The following UHRF2 variants were observed in gnomAD, a reference collection of about 807,000 sequenced individuals.
UHRF2 encodes ubiquitin like with PHD and ring finger domains 2.
Under a neutral mutation model 96.8 loss-of-function variants are expected in UHRF2, and 23 were observed. The observed-to-expected ratio is 0.24, with a 90% CI of 0.17 to 0.34. UHRF2 has a LOEUF of 0.34. Ranked by LOEUF, UHRF2 falls within the 10% of genes least tolerant of loss-of-function variation. The probability of loss-of-function intolerance (pLI) is 1.00; values close to 1 mark genes in which losing one functional copy is unlikely to be tolerated. For missense variants in UHRF2, 685 were observed against 981.5 expected (o/e 0.70, Z 4.04); for synonymous variants, 385 against 332.6 (o/e 1.16, Z -1.72).
intron 12 of UHRF2, chr9:6,499,160 C>T (rs1825129125): frequency 6.6e-6 from 1 of 152,194 alleles, no homozygotes; most frequent in Non-Finnish European, 1.5e-5. Context: ...CATGTGAGCC[C>T]ATCTGCTATG....
At chr9:6,453,519 A>G (rs538912881) in intron 3 of UHRF2, among the ~76,000 whole-genome samples, 1 of 152,384 alleles carries the variant, frequency 6.6e-6, no homozygotes, top group Admixed American at 6.5e-5. Context: ...GAAAAGCATT[A>G]AAAGATCTAG....
At chr9:6,440,651 A>G (rs1291753388) in intron 3 of UHRF2, among the ~76,000 whole-genome samples, 2 of 152,178 alleles carry the variant, frequency 1.3e-5, no homozygotes, top group African/African-American at 4.8e-5. Context: ...TCAACAACTT[A>G]GGGTATCCTG....
chr9:6,445,276 G>A (rs183152424), intron 3 of UHRF2, among the ~76,000 whole-genome samples: 1 of 151,506 alleles, frequency 6.6e-6, no homozygotes, highest in Non-Finnish European at 1.5e-5. Context: ...TGTATTGATT[G>A]ATTGATTGAT....
intron 9 of UHRF2, among the ~76,000 whole-genome samples, chr9:6,487,647 G>A (rs972326738): frequency 1.3e-5 from 2 of 152,136 alleles, no homozygotes; most frequent in African/African-American, 2.4e-5. Context: ...GATTACAGGC[G>A]TGAGCCACCA....
At chr9:6,425,781 A>G (rs1820221761) in intron 2 of UHRF2, among the ~76,000 whole-genome samples, 1 of 152,136 alleles carries the variant, frequency 6.6e-6, no homozygotes, top group Non-Finnish European at 1.5e-5. Context: ...ATTAAAAAAA[A>G]AAAAATCAAG....
intron 3 of UHRF2, among the ~76,000 whole-genome samples, chr9:6,435,127 A>G (rs996803139): frequency 6.6e-6 from 1 of 151,722 alleles, no homozygotes; most frequent in African/African-American, 2.4e-5. Flanking sequence ...CCGAGTAGCT[A>G]GCATTAGAGG....
At position 6,500,619 on chromosome 9, in the gene UHRF2, A is replaced by G. The variant is rs944809735; in HGVS notation, c.2073A>G (p.Gln691=). The G allele has an allele frequency of 8.1e-6, 13 of 1,613,950 alleles. No homozygotes were observed. Among genetic ancestry groups the G allele is most frequent in the East Asian group, 2.2e-5 (1 of 44,870 alleles). Residue 691 remains glutamine (Q), a synonymous_variant, in exon 14 of 16, where the codon CAA becomes CAG. Transcript: ENST00000276893. ...SDSAEAIEAF[Q]LTPQQQHLIR... Reference sequence around the variant, plus strand: ...CAGCAGAAGCAATTGAGGCTTTTCAACTAACTCCTCAACAGCAACATCTCA... The same window carrying G: ...CAGCAGAAGCAATTGAGGCTTTTCAGCTAACTCCTCAACAGCAACATCTCA...
At chr9:6,497,972 G>C in intron 11 of UHRF2, 46 bp from the exon 12 acceptor site, 1 of 1,603,706 alleles carries the variant, frequency 6.2e-7, no homozygotes, top group East Asian at 2.2e-5. Flanking sequence ...TGATGAATAA[G>C]TCTAAATTTT....
In UHRF2 at chr9:6,434,022, C is replaced by G; in HGVS notation, c.493C>G (p.Leu165Val). 6.2e-7 allele frequency: 1 copy of G among 1,614,080 alleles called. No individual in the cohort carries two copies. Among genetic ancestry groups the G allele is most frequent in the Non-Finnish European group, 8.5e-7 (1 of 1,180,010 alleles). The change falls in exon 3 of 16, where the codon CTG (leucine) becomes GTG (valine). Residue 165 changes from leucine to valine, a missense_variant. By Grantham distance (32) the Leu-to-Val change is conservative (BLOSUM62 1). Transcript: ENST00000276893. ...TGGACAGTCACGTGGCAAAACTCCA[C>G]TGAAGAATGGCAGTTCTTGTAAAAG... ...SDGQSRGKTP[L>V]KNGSSCKRTN...
At chr9:6,428,809 A>C (rs980722923) in intron 2 of UHRF2, among the ~76,000 whole-genome samples, 2 of 151,950 alleles carry the variant, frequency 1.3e-5, no homozygotes, top group Non-Finnish European at 2.9e-5. Flanking sequence ...ACTTCCTCCC[A>C]AAGTGCTGGG....
At chr9:6,476,261 A>T (rs1823565352) in intron 5 of UHRF2, among the ~76,000 whole-genome samples, 1 of 152,066 alleles carries the variant, frequency 6.6e-6, no homozygotes, top group Non-Finnish European at 1.5e-5. Flanking sequence ...TATATACCAT[A>T]TTGTCTTTTT....
At chr9:6,474,149 C>T (rs938652754) in intron 4 of UHRF2, among the ~76,000 whole-genome samples, 1 of 152,132 alleles carries the variant, frequency 6.6e-6, no homozygotes, top group African/African-American at 2.4e-5. Flanking sequence ...GTTGATATTC[C>T]TATGTCTTCT....
At chr9:6,420,225 C>A (rs2065074) in intron 1 of UHRF2, among the ~76,000 whole-genome samples, 7 of 151,542 alleles carry the variant, frequency 4.6e-5, no homozygotes, top group Admixed American at 4.6e-4. Flanking sequence ...CCAGCTAATA[C>A]TTTGTATTTC....
intron 3 of UHRF2, among the ~76,000 whole-genome samples, chr9:6,457,730 G>A (rs867288439): frequency 6.6e-6 from 1 of 152,152 alleles, no homozygotes; most frequent in African/African-American, 2.4e-5. Context: ...GTTGAATTTT[G>A]TAGAAGGCCT....
intron 2 of UHRF2, among the ~76,000 whole-genome samples, chr9:6,423,282 C>T (rs966091672): frequency 1.3e-5 from 2 of 152,108 alleles, no homozygotes; most frequent in African/African-American, 4.8e-5. Flanking sequence ...ATAATGTTAC[C>T]TAAGTTGACC....
intron 2 of UHRF2, among the ~76,000 whole-genome samples, chr9:6,421,361 C>G (rs1242325711): frequency 6.6e-6 from 1 of 152,120 alleles, no homozygotes; most frequent in Non-Finnish European, 1.5e-5. Flanking sequence ...AAAGGAAATA[C>G]TTGTGTAATT....
At chr9:6,487,963 G>A (rs528471916) in intron 9 of UHRF2, among the ~76,000 whole-genome samples, 4 of 152,016 alleles carry the variant, frequency 2.6e-5, no homozygotes, top group African/African-American at 4.8e-5. Flanking sequence ...ACAGAGGGCC[G>A]AATCCAGTGG....
chr9:6,443,916 C>T (rs1821336351), intron 3 of UHRF2, among the ~76,000 whole-genome samples: 1 of 152,200 alleles, frequency 6.6e-6, no homozygotes, highest in African/African-American at 2.4e-5. Context: ...GTCTGTGGTA[C>T]ATGATTTTGA....
At chr9:6,429,483 A>C (rs1009224101) in intron 2 of UHRF2, among the ~76,000 whole-genome samples, 2 of 152,016 alleles carry the variant, frequency 1.3e-5, no homozygotes, top group Admixed American at 1.3e-4. Context: ...GGCGGGATCC[A>C]CGCCTGGCTA....
Sources: allele counts gnomAD v4.1 joint callset (sites outside exome capture counted in the v4.1 genomes callset), GRCh38; gene constraint gnomAD v4.1.1; transcripts MANE v1.5; gene names NCBI Gene and HGNC (gene_info 2026-07-23, HGNC 2026-07-21).